LRP1B: variants seen among roughly 807,000 people sequenced by gnomAD.
LRP1B encodes LDL receptor related protein 1B, also known as low-density lipoprotein receptor-related protein 1B.
Under a neutral mutation model 556.6 loss-of-function variants are expected in LRP1B, and 217 were observed. The ratio of observed to expected loss-of-function variants is 0.39; its 90% CI spans 0.35 to 0.44. LRP1B has a LOEUF of 0.44. LRP1B is among the 20% of genes least tolerant of loss of function. The pLI is 1.00. For missense variants in LRP1B, 5,053 were observed against 5,620.8 expected (o/e 0.90, Z 3.23); for synonymous variants, 2,047 against 1,865.8 (o/e 1.10, Z -2.50).
intron 34 of LRP1B, 115 bp from the exon 35 acceptor site, chr2:140,769,459 T>C: frequency 9.3e-7 from 1 of 1,071,382 alleles, no homozygotes; most frequent in Non-Finnish European, 1.3e-6. Flanking sequence ...AACAAATGTA[T>C]TTCCTGGCCT....
intron 1 of LRP1B, among the ~76,000 whole-genome samples, chr2:141,819,162 C>T (rs573356111): frequency 4.6e-5 from 7 of 151,690 alleles, no homozygotes; most frequent in African/African-American, 1.7e-4. Context: ...CACTTGAACC[C>T]GGGAGGCGGA....
chr2:141,673,945 T>C (rs982424762), intron 2 of LRP1B, among the ~76,000 whole-genome samples: 1 of 151,908 alleles, frequency 6.6e-6, no homozygotes, highest in South Asian at 2.1e-4. Flanking sequence ...ATACCCTTAA[T>C]CCCTCCTCTA....
At chr2:140,926,127 G>A (rs1694879605) in intron 20 of LRP1B, among the ~76,000 whole-genome samples, 2 of 147,296 alleles carry the variant, frequency 1.4e-5, no homozygotes, top group Admixed American at 1.4e-4. Flanking sequence ...CATCTACTAA[G>A]GGTCACCATA....
At chr2:140,385,395 C>A (rs1288949411) in intron 67 of LRP1B, among the ~76,000 whole-genome samples, 1 of 151,964 alleles carries the variant, frequency 6.6e-6, no homozygotes, top group African/African-American at 2.4e-5. Context: ...CAGATGATAA[C>A]AATAGTGTTA....
At chr2:141,359,776 C>T (rs1287388750) in intron 3 of LRP1B, among the ~76,000 whole-genome samples, 1 of 143,630 alleles carries the variant, frequency 7.0e-6, no homozygotes, top group African/African-American at 2.5e-5. Flanking sequence ...CCCCGCCCCG[C>T]CCCGCCCCCC....
intron 3 of LRP1B, among the ~76,000 whole-genome samples, chr2:141,349,376 G>T (rs1688367701): frequency 6.6e-6 from 1 of 152,002 alleles, no homozygotes. Context: ...TAGAGTGTCT[G>T]TGGTTTTTAA....
Position 140,789,618 on chromosome 2 carries a change from C to CTTTTTTTTTTTTT in LRP1B, c.5360-13393_5360-13381dup, listed in dbSNP as rs756120273. 2.5e-4 allele frequency among the ~76,000 whole-genome samples: 18 copies of CTTTTTTTTTTTTT among 71,762 alleles called. 2 individuals carry two copies. The highest frequency in any genetic ancestry group is 4.5e-4 in the Non-Finnish European group (17 of 38,138). 47.1% of individuals were successfully genotyped at this position (71,762 alleles called of 152,430 possible). A position where few individuals can be genotyped will look rare whatever the true frequency, so the allele number is the denominator to read the frequency against. On this transcript the variant is annotated intron_variant, in intron 32 of 90. Coordinates refer to ENST00000389484, the MANE Select transcript of LRP1B (RefSeq NM_018557.3). ...GCCAAGCACGATCTAGCTTTAAGGA[C>CTTTTTTTTTTTTT]TTTTTTTTTTTTTTTTTTTTTTTTT...
chr2:140,295,490 G>T (rs1172097056), intron 84 of LRP1B, among the ~76,000 whole-genome samples: 2 of 152,130 alleles, frequency 1.3e-5, no homozygotes, highest in African/African-American at 4.8e-5. Context: ...GCTTGACTCT[G>T]TGCTGTTTCA....
chr2:141,297,918 A>G (rs1030141558), intron 3 of LRP1B, among the ~76,000 whole-genome samples: 13 of 152,222 alleles, frequency 8.5e-5, no homozygotes, highest in African/African-American at 3.1e-4. Flanking sequence ...TATACTATAT[A>G]GCCTAGTTAT....
At chr2:140,256,083 T>TA (rs909813996) in intron 86 of LRP1B, among the ~76,000 whole-genome samples, 9 of 152,152 alleles carry the variant, frequency 5.9e-5, no homozygotes, top group Non-Finnish European at 1.2e-4. Flanking sequence ...CAATTTTATG[T>TA]AAAAAACAAA....
rs541748732 is a variant in LRP1B, at chr2:140,949,593, T to A, written c.3136+642A>T. Among the ~76,000 whole-genome samples the A allele has an allele frequency of 9.4e-3, 1,432 of 152,090 alleles. 13 individuals carry two copies. The highest frequency in any genetic ancestry group is 0.028 in the African/African-American group (1,178 of 41,486). ...GTAAAATTATTCCTTTCTTTTTTTTTTATATATTTTCTTTTTCACTGTTGA... is the reference window on the plus strand; with the variant it reads ...GTAAAATTATTCCTTTCTTTTTTTTATATATATTTTCTTTTTCACTGTTGA... On this transcript the variant is annotated intron_variant, in intron 20 of 90. Transcript: ENST00000389484.
intron 16 of LRP1B, chr2:140,992,676 A>G (rs959187002): frequency 3.3e-5 from 5 of 152,112 alleles, no homozygotes; most frequent in African/African-American, 1.2e-4. Flanking sequence ...TAATAAATAA[A>G]TAACAGTTCT....
At position 141,786,741 on chromosome 2, in the gene LRP1B, A is replaced by G. The variant is rs1220890075; in HGVS notation, c.205+23538T>C. Among the ~76,000 whole-genome samples the G allele has an allele frequency of 2.0e-5, 3 of 151,844 alleles. No homozygotes were observed. The East Asian group carries it at 5.8e-4, about 29-fold the overall frequency. ...CTTGATCAACCAAAAAAAGCACGGA[A>G]CCTCTCACCATTAATGATGATATTG... is the stretch of plus-strand genomic sequence containing the variant. On this transcript the variant is annotated intron_variant, in intron 2 of 90. Coordinates refer to ENST00000389484, the MANE Select transcript of LRP1B (RefSeq NM_018557.3).
At position 140,525,836 on chromosome 2, in the gene LRP1B, A is replaced by G. The variant is rs1270905627; in HGVS notation, c.8026+8T>C. 1.9e-6 allele frequency: 3 copies of G among 1,608,952 alleles called. No individual in the cohort carries two copies. Among genetic ancestry groups the G allele is most frequent in the African/African-American group, 1.3e-5 (1 of 74,630 alleles). ...CAAAGCCTGTGTTTTTCTAAATTCT[A>G]GTATTACCTGGGCACTTTAATTCAT... On this transcript the variant is annotated splice_region_variant and intron_variant, in intron 49 of 90. Transcript: ENST00000389484.
chr2:140,927,867 C>A (rs371380881), intron 20 of LRP1B, among the ~76,000 whole-genome samples: 1 of 151,148 alleles, frequency 6.6e-6, no homozygotes, highest in African/African-American at 2.4e-5. Context: ...CCATCATGCC[C>A]GGCTATTCAT....
In LRP1B at chr2:142,008,466, C is replaced by G. The variant is rs540873899; in HGVS notation, c.82+122182G>C. 2.1e-4 allele frequency among the ~76,000 whole-genome samples: 32 copies of G among 151,854 alleles called. 2 individuals carry two copies. The highest frequency in any genetic ancestry group is 6.8e-3 in the Middle Eastern group (2 of 292). On this transcript the variant is annotated intron_variant, in intron 1 of 90. Coordinates refer to ENST00000389484, the MANE Select transcript of LRP1B (RefSeq NM_018557.3). ...TCCTGATTTCTCTGGATACATGGGT[C>G]AAGGTGCAGAGTCTAGCCCATTCTG... is the stretch of plus-strand genomic sequence containing the variant.
At chr2:142,026,153 T>C (rs892154663) in intron 1 of LRP1B, among the ~76,000 whole-genome samples, 4 of 152,156 alleles carry the variant, frequency 2.6e-5, no homozygotes, top group African/African-American at 9.6e-5. Context: ...TTTTGGAAAC[T>C]GTCAAGGCAC....
chr2:140,273,024 C>G (rs1042023923), intron 85 of LRP1B, among the ~76,000 whole-genome samples: 5 of 151,906 alleles, frequency 3.3e-5, no homozygotes, highest in African/African-American at 9.7e-5. Flanking sequence ...ACTGAGGGAC[C>G]CTGATCCCTG....
chr2:141,471,464 T>G (rs1343579300), intron 3 of LRP1B, among the ~76,000 whole-genome samples: 1 of 152,116 alleles, frequency 6.6e-6, no homozygotes, highest in East Asian at 1.9e-4. Flanking sequence ...TTAGAGATCT[T>G]GAACATACAA....
Sources: gnomAD v4.1 joint callset for allele counts (sites outside exome capture counted in the v4.1 genomes callset) on GRCh38, gnomAD v4.1.1 for gene constraint, MANE v1.5 for transcripts, NCBI Gene and HGNC (gene_info 2026-07-23, HGNC 2026-07-21) for gene names.